ZMAT4: variants seen among roughly 807,000 people sequenced by gnomAD.
ZMAT4 encodes the protein zinc finger matrin-type protein 4.
Under a neutral mutation model 28.7 loss-of-function variants are expected in ZMAT4, and 17 were observed. The observed-to-expected ratio is 0.59, with a 90% CI of 0.41 to 0.89. The LOEUF (loss-of-function observed/expected upper bound fraction) is 0.89, where lower values mean the gene tolerates loss of function less well. Among genes scored for constraint, ZMAT4 ranks in the 40% least tolerant of loss-of-function variants. The probability of loss-of-function intolerance (pLI) is 0.00; values close to 1 mark genes in which losing one functional copy is unlikely to be tolerated. For missense variants in ZMAT4, 240 were observed against 283.8 expected, an observed-to-expected ratio of 0.85 and a Z score of 1.11; for synonymous variants, 117 against 109.2, an observed-to-expected ratio of 1.07 and a Z score of -0.44.
intron 3 of ZMAT4, among the ~76,000 whole-genome samples, chr8:40,740,734 T>C (rs1811964977): frequency 6.6e-6 from 1 of 152,192 alleles, no homozygotes; most frequent in Non-Finnish European, 1.5e-5. Flanking sequence ...CAGCAGTTTA[T>C]GGAGCCTTGT....
At chr8:40,658,619 T>TACACACACACACACAC (rs3038825) in intron 5 of ZMAT4, among the ~76,000 whole-genome samples, 12 of 145,502 alleles carry the variant, frequency 8.2e-5, no homozygotes, top group African/African-American at 2.6e-4. Context: ...GTTAGACACA[T>TACACACACACACACAC]ACACACACAC....
chr8:40,601,196 A>G (rs535878148), intron 5 of ZMAT4, among the ~76,000 whole-genome samples: 2 of 152,174 alleles, frequency 1.3e-5, no homozygotes, highest in African/African-American at 4.8e-5. Flanking sequence ...TCAGGATTTT[A>G]CAGGGTAGGG....
intron 2 of ZMAT4, among the ~76,000 whole-genome samples, chr8:40,824,428 G>A (rs1815944977): frequency 6.6e-6 from 1 of 152,190 alleles, no homozygotes; most frequent in Admixed American, 6.5e-5. Context: ...CTGGATGACT[G>A]AGTGAGACCC....
intron 2 of ZMAT4, among the ~76,000 whole-genome samples, chr8:40,781,669 G>A (rs1301851044): frequency 7.0e-6 from 1 of 143,068 alleles, no homozygotes; most frequent in African/African-American, 2.5e-5. Flanking sequence ...GGCTGAGGCA[G>A]GAGAATGGCG....
intron 2 of ZMAT4, among the ~76,000 whole-genome samples, chr8:40,783,052 T>C (rs775480036): frequency 6.6e-6 from 1 of 152,206 alleles, no homozygotes; most frequent in South Asian, 2.1e-4. Flanking sequence ...GAAATTTCAC[T>C]CATAGGTGTA....
At chr8:40,575,733 T>A (rs1044861534) in intron 6 of ZMAT4, among the ~76,000 whole-genome samples, 1 of 151,698 alleles carries the variant, frequency 6.6e-6, no homozygotes, top group Non-Finnish European at 1.5e-5. Flanking sequence ...CAGTTATCAA[T>A]GTAGAGACAT....
intron 5 of ZMAT4, among the ~76,000 whole-genome samples, chr8:40,629,527 C>T (rs1204640147): frequency 6.6e-6 from 1 of 151,044 alleles, no homozygotes; most frequent in South Asian, 2.1e-4. Flanking sequence ...TTTAGCATTA[C>T]GTATATCTCC....
chr8:40,846,495 G>A (rs575751484), intron 1 of ZMAT4, among the ~76,000 whole-genome samples: 1 of 152,324 alleles, frequency 6.6e-6, no homozygotes, highest in East Asian at 1.9e-4. Flanking sequence ...GTCACTGGGT[G>A]TTTGATCACC....
intron 1 of ZMAT4, among the ~76,000 whole-genome samples, chr8:40,869,148 A>C (rs1304631798): frequency 6.6e-6 from 1 of 152,180 alleles, no homozygotes; most frequent in East Asian, 1.9e-4. Flanking sequence ...CTTTACCTGG[A>C]AAGCCCACCC....
At chr8:40,719,867 C>T (rs1187490318) in intron 3 of ZMAT4, among the ~76,000 whole-genome samples, 4 of 152,156 alleles carry the variant, frequency 2.6e-5, no homozygotes, top group African/African-American at 4.8e-5. Context: ...CCACCATGCC[C>T]AGCCCATTCA....
At chr8:40,890,463 G>A (rs577350908) in intron 1 of ZMAT4, among the ~76,000 whole-genome samples, 1 of 152,102 alleles carries the variant, frequency 6.6e-6, no homozygotes, top group African/African-American at 2.4e-5. Context: ...TGAAGTCAAA[G>A]TATCGGCTTC....
At chr8:40,773,484 C>T (rs945182647) in intron 2 of ZMAT4, among the ~76,000 whole-genome samples, 12 of 149,956 alleles carry the variant, frequency 8.0e-5, no homozygotes, top group Non-Finnish European at 1.2e-4. Flanking sequence ...TAACCTTCTG[C>T]TCTGCCAAAG....
At chr8:40,541,058 T>C (rs998659121) in intron 6 of ZMAT4, among the ~76,000 whole-genome samples, 3 of 152,092 alleles carry the variant, frequency 2.0e-5, no homozygotes, top group Non-Finnish European at 4.4e-5. Flanking sequence ...GGGTATAATA[T>C]AATAACACAC....
At chr8:40,633,982 C>T (rs1260912343) in intron 5 of ZMAT4, among the ~76,000 whole-genome samples, 1 of 152,172 alleles carries the variant, frequency 6.6e-6, no homozygotes, top group Non-Finnish European at 1.5e-5. Context: ...CCTGGGAAGT[C>T]AGCAGTGATG....
In ZMAT4 at chr8:40,537,443, T is replaced by C. The variant is rs142484889; in HGVS notation, c.675-5205A>G. Among the ~76,000 whole-genome samples the C allele has an allele frequency of 5.1e-4, 78 of 152,286 alleles. 2 individuals are homozygous for C. The East Asian group carries it at 0.013, about 26-fold the overall frequency. ...TCAAGAAATTGGGAACATTCGAAAG[T>C]ATAGCACTTTTAAAATGAATTCAAC... is the stretch of plus-strand genomic sequence containing the variant. On this transcript the variant is annotated intron_variant, in intron 6 of 6. Transcript: ENST00000297737.
intron 2 of ZMAT4, among the ~76,000 whole-genome samples, chr8:40,811,311 C>T (rs893797036): frequency 1.3e-5 from 2 of 152,090 alleles, no homozygotes; most frequent in Admixed American, 1.3e-4. Flanking sequence ...CAACTGTGAC[C>T]CCCAGACCCA....
intron 3 of ZMAT4, among the ~76,000 whole-genome samples, chr8:40,749,409 A>G (rs1359555681): frequency 6.6e-6 from 1 of 152,226 alleles, no homozygotes; most frequent in Non-Finnish European, 1.5e-5. Context: ...GAGGTCATTC[A>G]GCTAGCAGGA....
intron 3 of ZMAT4, among the ~76,000 whole-genome samples, chr8:40,753,532 C>T (rs1249949377): frequency 6.6e-6 from 1 of 152,174 alleles, no homozygotes; most frequent in Admixed American, 6.5e-5. Context: ...AAATTAACAT[C>T]CATTCCCCCC....
chr8:40,708,583 C>G (rs1810466348), intron 3 of ZMAT4, among the ~76,000 whole-genome samples: 1 of 149,534 alleles, frequency 6.7e-6, no homozygotes, highest in Admixed American at 6.7e-5. Context: ...CTCTCTCTCT[C>G]TCTCTCTCTC....
Sources: allele counts gnomAD v4.1 joint callset (sites outside exome capture counted in the v4.1 genomes callset), GRCh38; gene constraint gnomAD v4.1.1; transcripts MANE v1.5; gene names NCBI Gene and HGNC (gene_info 2026-07-23, HGNC 2026-07-21).